NDRG3: variants seen among roughly 807,000 people sequenced by gnomAD.
NDRG3 encodes the protein NDRG family member 3.
In NDRG3, 23 loss-of-function variants were observed where a neutral mutation model predicts 57.2. That is an observed-to-expected ratio of 0.40 (90% CI 0.29 to 0.57). The LOEUF (loss-of-function observed/expected upper bound fraction) is 0.57. Among genes scored for constraint, NDRG3 ranks in the 20% least tolerant of loss-of-function variants. The pLI, the probability that NDRG3 is intolerant of heterozygous loss-of-function variation, is 0.42. For missense variants in NDRG3, 384 were observed against 457.3 expected (o/e 0.84, Z 1.46); for synonymous variants, 132 against 162.6 (o/e 0.81, Z 1.43).
chr20:36,669,985 G>C (rs1980008723), intron 9 of NDRG3, among the ~76,000 whole-genome samples: 1 of 152,212 alleles, frequency 6.6e-6, no homozygotes, highest in African/African-American at 2.4e-5. Context: ...TGACATGGAT[G>C]AATCTCAAGA....
intron 9 of NDRG3, among the ~76,000 whole-genome samples, chr20:36,667,356 C>T (rs997535869): frequency 6.6e-6 from 1 of 152,006 alleles, no homozygotes; most frequent in African/African-American, 2.4e-5. Flanking sequence ...TAATGTACTG[C>T]AGCTTGGAAC....
intron 12 of NDRG3, among the ~76,000 whole-genome samples, chr20:36,663,281 C>T (rs1275281745): frequency 6.6e-6 from 1 of 152,176 alleles, no homozygotes; most frequent in Non-Finnish European, 1.5e-5. Flanking sequence ...TATCCTTTCA[C>T]ATCTGCATAT....
intron 3 of NDRG3, among the ~76,000 whole-genome samples, chr20:36,694,505 C>T (rs1982606239): frequency 6.6e-6 from 1 of 152,190 alleles, no homozygotes; most frequent in Non-Finnish European, 1.5e-5. Context: ...AAGCATTCAT[C>T]TCCATCAAGT....
chr20:36,725,600 T>TA (rs548128722), intron 1 of NDRG3, among the ~76,000 whole-genome samples: 1,581 of 82,198 alleles, frequency 0.019, 23 homozygotes, highest in African/African-American at 0.053. Flanking sequence ...AGACTCCGTC[T>TA]AAAAAAAAAA....
rs754548603 is a variant in NDRG3 at position 36,656,548 on chromosome 20, T to C, written c.859-16A>G. 2.0e-5 allele frequency: 33 copies of C among 1,613,770 alleles called. No individual in the cohort carries two copies. The highest frequency in any genetic ancestry group is 8.5e-7 in the Non-Finnish European group (1 of 1,179,872). Reference sequence around the variant, plus strand: ...AGTCCGCCATCTAGAAAAGGAAAAATATGCAAGTCAGCTGGGACTTACCCT... The same window carrying C: ...AGTCCGCCATCTAGAAAAGGAAAAACATGCAAGTCAGCTGGGACTTACCCT... On this transcript the variant is annotated splice_polypyrimidine_tract_variant and intron_variant, in intron 13 of 15. Transcript: ENST00000349004.
intron 3 of NDRG3, among the ~76,000 whole-genome samples, chr20:36,700,113 C>CAAA (rs1294581784): frequency 1.1e-4 from 5 of 47,066 alleles, no homozygotes; most frequent in African/African-American, 3.0e-4. Flanking sequence ...CAATCAGTCT[C>CAAA]AAAAAAAAAA....
intron 8 of NDRG3, among the ~76,000 whole-genome samples, chr20:36,677,490 C>T (rs772663872): frequency 2.0e-5 from 3 of 152,276 alleles, no homozygotes; most frequent in South Asian, 2.1e-4. Context: ...GCTCAGCCAG[C>T]GCAGGGTAGA....
intron 1 of NDRG3, among the ~76,000 whole-genome samples, chr20:36,730,956 A>C (rs1407575225): frequency 6.6e-6 from 1 of 151,984 alleles, no homozygotes; most frequent in Non-Finnish European, 1.5e-5. Flanking sequence ...AAAAAAAAGA[A>C]AGAAAGAAAA....
chr20:36,710,737 C>T (rs988644050), intron 2 of NDRG3, among the ~76,000 whole-genome samples: 8 of 149,506 alleles, frequency 5.4e-5, no homozygotes, highest in East Asian at 2.0e-4. Context: ...AACCGGGACC[C>T]GGGTGGCGGA....
At chr20:36,711,315 A>AAATC (rs1203270797) in intron 2 of NDRG3, among the ~76,000 whole-genome samples, 1 of 151,686 alleles carries the variant, frequency 6.6e-6, no homozygotes, top group African/African-American at 2.4e-5. Flanking sequence ...ATAAATAAAT[A>AAATC]AATACAAAAA....
chr20:36,695,402 C>T (rs113089612), intron 3 of NDRG3, among the ~76,000 whole-genome samples: 1,689 of 152,248 alleles, frequency 0.011, 30 homozygotes, highest in African/African-American at 0.038. Context: ...GGGAGCTGGG[C>T]AGGACAGAGC....
chr20:36,663,193 C>T (rs1979349600), intron 12 of NDRG3, among the ~76,000 whole-genome samples: 1 of 152,120 alleles, frequency 6.6e-6, no homozygotes, highest in Non-Finnish European at 1.5e-5. Context: ...GGTTATTGGC[C>T]TCTATGTGCA....
intron 12 of NDRG3, among the ~76,000 whole-genome samples, chr20:36,662,638 C>A (rs1979306479): frequency 6.6e-6 from 1 of 152,180 alleles, no homozygotes; most frequent in African/African-American, 2.4e-5. Flanking sequence ...ATAGTTACTG[C>A]AGTTACTGAC....
intron 1 of NDRG3, among the ~76,000 whole-genome samples, chr20:36,734,541 A>G (rs1985510859): frequency 6.6e-6 from 1 of 152,206 alleles, no homozygotes; most frequent in African/African-American, 2.4e-5. Flanking sequence ...TTTACCTATT[A>G]ATTCAATTAA....
chr20:36,721,532 A>C, intron 2 of NDRG3, 147 bp downstream of exon 2: 1 of 576,672 alleles, frequency 1.7e-6, no homozygotes. Context: ...CGTCTCAAAA[A>C]AAAAAAGAAA....
At chr20:36,693,832 G>A (rs982763243) in intron 3 of NDRG3, among the ~76,000 whole-genome samples, 2 of 151,620 alleles carry the variant, frequency 1.3e-5, no homozygotes, top group Non-Finnish European at 2.9e-5. Flanking sequence ...ACATTATGGT[G>A]AGTTGCACGA....
intron 1 of NDRG3, among the ~76,000 whole-genome samples, chr20:36,735,378 G>GA (rs1188503401): frequency 6.6e-6 from 1 of 152,136 alleles, no homozygotes; most frequent in Non-Finnish European, 1.5e-5. Flanking sequence ...TCCAAAATTG[G>GA]AAAAAATCCA....
chr20:36,682,000 T>A (rs1981344790), intron 7 of NDRG3, among the ~76,000 whole-genome samples: 1 of 152,166 alleles, frequency 6.6e-6, no homozygotes, highest in Non-Finnish European at 1.5e-5. Context: ...GCCTGGTCCC[T>A]GGCTTACTTT....
chr20:36,717,239 C>T (rs1039974259), intron 2 of NDRG3, among the ~76,000 whole-genome samples: 1 of 152,158 alleles, frequency 6.6e-6, no homozygotes. Context: ...AAAGTACCAA[C>T]AAATGACAAG....
Sources: allele counts gnomAD v4.1 joint callset (sites outside exome capture counted in the v4.1 genomes callset), GRCh38; gene constraint gnomAD v4.1.1; transcripts MANE v1.5; gene names NCBI Gene and HGNC (gene_info 2026-07-23, HGNC 2026-07-21).